Variants in SPG11 observed in about 807,000 individuals in gnomAD.
SPG11 encodes the protein spatacsin.
In SPG11, 222 loss-of-function variants were observed where a neutral mutation model predicts 274.0. The ratio of observed to expected loss-of-function variants is 0.81; its 90% CI spans 0.73 to 0.91. SPG11 has a LOEUF of 0.91. SPG11 is among the 40% of genes least tolerant of loss of function. The pLI is 0.00. For missense variants in SPG11, 3,114 were observed against 2,872.7 expected (o/e 1.08, Z -1.92); for synonymous variants, 1,144 against 1,039.7 (o/e 1.10, Z -1.93).
rs760841252 is a variant in SPG11 at position 44,566,002 on chromosome 15, C to T, written c.6851G>A (p.Cys2284Tyr). 2.5e-5 allele frequency: 40 copies of T among 1,613,570 alleles called. No homozygotes were observed. The highest frequency in any genetic ancestry group is 3.2e-5 in the Non-Finnish European group (38 of 1,180,028). The part of the protein sequence containing the change: ...DAAESYAKDS[C>Y]VRQAQHCQRL... ...CTGACAGTGCTGGGCCTGTCGCACACAGGAGTCCTGAGGAACAAGGGTGGA... is the reference window on the plus strand; with the variant it reads ...CTGACAGTGCTGGGCCTGTCGCACATAGGAGTCCTGAGGAACAAGGGTGGA... The change falls in exon 38 of 40, where the codon TGT becomes TAT. Residue 2284 changes from cysteine (C) to tyrosine (Y), a missense_variant. Coordinates refer to ENST00000261866, the MANE Select transcript of SPG11 (RefSeq NM_025137.4).
At position 44,584,034 on chromosome 15, in the gene SPG11, A is replaced by C. The variant is rs1339321876; in HGVS notation, c.5646T>G (p.Ile1882Met). 2 of 1,614,108 alleles carry C rather than the reference A, an allele frequency of 1.2e-6. No homozygotes were observed. The highest frequency in any genetic ancestry group is 1.7e-6 in the Non-Finnish European group (2 of 1,180,036). The change falls in exon 30 of 40, where the codon ATT becomes ATG. Residue 1882 changes from isoleucine to methionine, a missense_variant. Coordinates refer to ENST00000261866, the MANE Select transcript of SPG11 (RefSeq NM_025137.4). ...WKEQESLNFLIGRLLDDGCVH... is the reference protein window; with the variant it reads ...WKEQESLNFLMGRLLDDGCVH... ...CACAGCCATCATCCAGTAGGCGCCC[A>C]ATCAAAAAGTTTAGTGACTCCTGCT...
In SPG11 at chr15:44,659,292, A is replaced by T. The variant is rs762866477; in HGVS notation, c.454T>A (p.Leu152Met). 2.5e-6 allele frequency: 4 copies of T among 1,612,678 alleles called. No homozygotes were observed. The Admixed American group carries it at 6.7e-5, about 27-fold the overall frequency. Residue 152 changes from leucine to methionine, a missense_variant, in exon 3 of 40, where the codon TTG (leucine) becomes ATG (methionine). Physicochemically the swap from Leu to Met is conservative, Grantham distance 15. Coordinates refer to ENST00000261866, the MANE Select transcript of SPG11 (RefSeq NM_025137.4). The part of the protein sequence containing the change: ...IDDQDISISL[L>M]SLRILSFHNN... ...TGAAATGACAGGATTCTCAAAGACAATAAGGAAATACCTACAAAACAAAAG... is the reference window on the plus strand; with the variant it reads ...TGAAATGACAGGATTCTCAAAGACATTAAGGAAATACCTACAAAACAAAAG...
chr15:44,638,540 G>C lies in SPG11; in HGVS notation c.1603-4903C>G, dbSNP rs193138336. On this transcript the variant is annotated intron_variant, in intron 7 of 39. Coordinates refer to ENST00000261866, the MANE Select transcript of SPG11 (RefSeq NM_025137.4). ...ACACACAACAAAAAAACAAACTTTA[G>C]ATCTGATAATTTAAGTATGTACATT... Among the ~76,000 whole-genome samples, 283 of 138,580 alleles carry C rather than the reference G, an allele frequency of 2.0e-3. 1 individual carries two copies. Among genetic ancestry groups the C allele is most frequent in the African/African-American group, 7.7e-3 (274 of 35,668 alleles). The allele number at this position is 138,580 out of a possible 152,430, so 90.9% of individuals were successfully genotyped here.
At position 44,574,906 on chromosome 15, in the gene SPG11, G is replaced by C. The variant is rs1477896439; in HGVS notation, c.6002C>G (p.Ala2001Gly). 1 of 1,613,884 alleles carries C rather than the reference G, an allele frequency of 6.2e-7. No individual in the cohort carries two copies. ...GCCCCACCCCTTGGCACATACCTTGGCAAGATCATACAGACAGAGGACCTG... is the reference window on the plus strand; with the variant it reads ...GCCCCACCCCTTGGCACATACCTTGCCAAGATCATACAGACAGAGGACCTG... ...CRQVLCLYDLAKELGCSYTDV... is the reference protein window; with the variant it reads ...CRQVLCLYDLGKELGCSYTDV... Residue 2001 changes from alanine (A) to glycine (G), a missense_variant, in exon 31 of 40, where the codon GCC (alanine) becomes GGC (glycine). By Grantham distance (60) the Ala-to-Gly change is moderately conservative. Transcript: ENST00000261866.
intron 8 of SPG11, 73 bp from the exon 9 acceptor site, chr15:44,629,461 T>C: frequency 1.4e-6 from 2 of 1,462,738 alleles, no homozygotes; most frequent in East Asian, 2.4e-5. Context: ...ATCAAAAATA[T>C]CATGTTACAA....
intron 30 of SPG11, among the ~76,000 whole-genome samples, chr15:44,583,548 A>C (rs1239694879): frequency 6.6e-6 from 1 of 152,258 alleles, no homozygotes; most frequent in Non-Finnish European, 1.5e-5. Flanking sequence ...TTAAATTTAC[A>C]GATGTATAGA....
chr15:44,626,078 A>G (rs1567172475), intron 11 of SPG11, among the ~76,000 whole-genome samples: 2 of 151,782 alleles, frequency 1.3e-5, no homozygotes, highest in African/African-American at 2.4e-5. Flanking sequence ...GGGTCTTGCT[A>G]TGTTGCCCAT....
chr15:44,620,126 A>G (rs1281598587), intron 15 of SPG11, 64 bp downstream of exon 15: 14 of 1,265,756 alleles, frequency 1.1e-5, no homozygotes, highest in East Asian at 2.3e-5. Context: ...AAGCTATACC[A>G]TTATTTTTTC....
chr15:44,587,466 G>A (rs2082791489), intron 28 of SPG11, among the ~76,000 whole-genome samples: 1 of 152,150 alleles, frequency 6.6e-6, no homozygotes, highest in African/African-American at 2.4e-5. Context: ...AAGGCGGGAG[G>A]AGTGCTTGAG....
chr15:44,576,874 T>C (rs192462942), intron 30 of SPG11, among the ~76,000 whole-genome samples: 362 of 152,140 alleles, frequency 2.4e-3, no homozygotes, highest in Admixed American at 5.3e-3. Flanking sequence ...TCGCCCAGGC[T>C]AGAGTGCAGT....
intron 21 of SPG11, 76 bp downstream of exon 21, chr15:44,600,391 C>A: frequency 6.6e-7 from 1 of 1,524,404 alleles, no homozygotes; most frequent in Non-Finnish European, 9.1e-7. Flanking sequence ...CTCAAGTGAT[C>A]CTCCTGCTTC....
Position 44,622,229 on chromosome 15 carries a change from G to A in SPG11, c.2435C>T (p.Ser812Leu), listed in dbSNP as rs751667920. 1.2e-6 allele frequency: 2 copies of A among 1,612,306 alleles called. No homozygotes were observed. The highest frequency in any genetic ancestry group is 1.7e-6 in the Non-Finnish European group (2 of 1,178,622). ...GHFQENMQIQ[S>L]FPRYWIKEQD... The stretch of plus-strand genomic sequence containing the variant: ...GGACTAATGAGACTACCTGGGAAAT[G>A]ACTGGATTTGCATATTTTCTTGGAA... Residue 812 changes from serine (S) to leucine (L), a missense_variant, in exon 13 of 40, where the codon TCA (serine) becomes TTA (leucine). Ser to Leu is a moderately radical substitution (Grantham distance 145). Transcript: ENST00000261866.
chr15:44,649,527 C>T (rs1203794116), intron 6 of SPG11, among the ~76,000 whole-genome samples: 2 of 152,122 alleles, frequency 1.3e-5, no homozygotes, highest in Admixed American at 6.5e-5. Flanking sequence ...CCACTGCACC[C>T]ACCAAGAAAA....
chr15:44,636,940 A>AAAAAAAAAAAAAAAAAC (rs2084284198), intron 7 of SPG11, among the ~76,000 whole-genome samples: 1 of 116,500 alleles, frequency 8.6e-6, no homozygotes. Context: ...AAAAAAAAAA[A>AAAAAAAAAAAAAAAAAC]AAAAAAAAAA....
In SPG11 at chr15:44,659,137, A is replaced by C. The variant is rs1160856032; in HGVS notation, c.609T>G (p.Ile203Met). 6.2e-7 allele frequency: 1 copy of C among 1,614,232 alleles called. No homozygotes were observed. The highest frequency in any genetic ancestry group is 2.2e-5 in the East Asian group (1 of 44,876). Residue 203 changes from isoleucine to methionine, a missense_variant, in exon 3 of 40, where the codon ATT becomes ATG. Transcript: ENST00000261866. The part of the protein sequence containing the change: ...LPLPAQAVDM[I>M]IDTQLCRGIL... ...TTCCTCTGCAGAGCTGCGTGTCAAT[A>C]ATCATGTCCACTGCCTGTGCAGGCA...
chr15:44,614,295 G>A (rs2083536571), intron 16 of SPG11, among the ~76,000 whole-genome samples: 2 of 151,872 alleles, frequency 1.3e-5, no homozygotes, highest in Admixed American at 6.6e-5. Context: ...GCGCAAACAT[G>A]GCTCACTGCA....
chr15:44,568,961 C>T (rs1048475888), intron 35 of SPG11, among the ~76,000 whole-genome samples: 9 of 151,852 alleles, frequency 5.9e-5, no homozygotes, highest in Non-Finnish European at 1.0e-4. Context: ...CACCTGAGGT[C>T]GGGAGTTCAA....
At chr15:44,604,618 A>C (rs1489200898) in intron 20 of SPG11, among the ~76,000 whole-genome samples, 4 of 152,148 alleles carry the variant, frequency 2.6e-5, no homozygotes, top group Non-Finnish European at 5.9e-5. Context: ...CAAATTAAAT[A>C]CAGGTTTCCA....
Position 44,564,647 on chromosome 15 carries a change from A to G in SPG11, c.7051T>C (p.Leu2351=). ...CCTTTAAGAATCACTTGCTGGTATA[A>G]AATTTCAGCCCAATCTGGAACAAAA... is the stretch of plus-strand genomic sequence containing the variant. ...YDFVPDWAEI[L]YQQVILKGDF... Residue 2351 remains leucine, a synonymous_variant, in exon 39 of 40, where the codon TTA becomes CTA. Transcript: ENST00000261866. The G allele has an allele frequency of 1.2e-6, 2 of 1,614,172 alleles. No individual in the cohort carries two copies. The highest frequency in any genetic ancestry group is 1.7e-6 in the Non-Finnish European group (2 of 1,179,992).
Sources: gnomAD v4.1 joint callset for allele counts (sites outside exome capture counted in the v4.1 genomes callset) on GRCh38, gnomAD v4.1.1 for gene constraint, MANE v1.5 for transcripts, NCBI Gene and HGNC (gene_info 2026-07-23, HGNC 2026-07-21) for gene names.